Variants in ADGRG4 observed in about 807,000 individuals in gnomAD.
ADGRG4 encodes the protein adhesion G protein-coupled receptor G4.
A neutral mutation model predicts 126.2 loss-of-function variants in ADGRG4; 122 were observed. That is an observed-to-expected ratio of 0.97 (90% CI 0.83 to 1.12). The LOEUF is 1.12. Ranked by LOEUF, ADGRG4 falls within the 50% of genes most tolerant of loss-of-function variation. ADGRG4 has a pLI of 0.00. For missense variants in ADGRG4, 2,481 were observed against 2,251.8 expected, an observed-to-expected ratio of 1.10 and a Z score of -2.06; for synonymous variants, 943 against 838.7, an observed-to-expected ratio of 1.12 and a Z score of -2.15.
intron 23 of ADGRG4, among the ~76,000 whole-genome samples, chrX:136,410,943 A>G (rs2075443002): frequency 8.9e-6 from 1 of 112,413 alleles, no homozygotes; most frequent in African/African-American, 3.2e-5. Context: ...TTTTGTGGAT[A>G]AAGACTTTTT....
chrX:136,380,287 A>C (rs970320833), intron 15 of ADGRG4, among the ~76,000 whole-genome samples: 1 of 110,958 alleles, frequency 9.0e-6, no homozygotes, highest in Non-Finnish European at 1.9e-5. Flanking sequence ...TCAACCTCTG[A>C]TTTATAGTAA....
rs1316380270 is a variant in ADGRG4, at chrX:136,408,686, C to T, written c.8935+2714C>T. 1.3e-4 allele frequency among the ~76,000 whole-genome samples: 14 copies of T among 111,676 alleles called. 1 individual carries two copies. The highest frequency in any genetic ancestry group is 3.8e-5 in the Non-Finnish European group (2 of 53,190). On this transcript the variant is annotated intron_variant, in intron 23 of 25. Transcript: ENST00000394143. ...TATTGTTGCAATGAACATAAGGGTA[C>T]ATGTGTCTTTTTGGCAGAGTGATCT... is the stretch of plus-strand genomic sequence containing the variant.
At position 136,345,774 on chromosome X, in the gene ADGRG4, A is replaced by T. The variant is rs747348018; in HGVS notation, c.2068A>T (p.Thr690Ser). The change falls in exon 6 of 26, where the codon ACT becomes TCT. Residue 690 changes from threonine (T) to serine (S), a missense_variant. Coordinates refer to ENST00000394143, the MANE Select transcript of ADGRG4 (RefSeq NM_153834.4). The part of the protein sequence containing the change: ...ENFTSAFHEN[T>S]TYTEYLSATT... ...TTTTACATCAGCATTTCATGAGAAT[A>T]CTACTTATACAGAATATTTATCCGC... 3 of 1,209,668 alleles carry T rather than the reference A, an allele frequency of 2.5e-6. No homozygotes were observed. Among genetic ancestry groups the T allele is most frequent in the Non-Finnish European group, 3.4e-6 (3 of 893,702 alleles).
chrX:136,399,292 A>T (rs1317095848), intron 20 of ADGRG4, among the ~76,000 whole-genome samples: 2 of 112,646 alleles, frequency 1.8e-5, no homozygotes, highest in African/African-American at 6.4e-5. Flanking sequence ...ATTCACACAA[A>T]ATGAAAACAG....
At chrX:136,400,234 T>A in intron 21 of ADGRG4, 118 bp downstream of exon 21, 1 of 595,817 alleles carries the variant, frequency 1.7e-6, no homozygotes, top group Non-Finnish European at 2.6e-6. Context: ...TTGCTGGTGT[T>A]TGGGCATGCA....
intron 16 of ADGRG4, among the ~76,000 whole-genome samples, chrX:136,391,064 G>A (rs2075317024): frequency 1.8e-5 from 2 of 111,309 alleles, no homozygotes; most frequent in Admixed American, 1.9e-4. Flanking sequence ...GAAACAGGAA[G>A]TAAGTAGAGT....
chrX:136,375,185 C>G (rs945003488), intron 15 of ADGRG4, among the ~76,000 whole-genome samples: 1 of 111,675 alleles, frequency 9.0e-6, no homozygotes, highest in Non-Finnish European at 1.9e-5. Flanking sequence ...GCCTCTAGTT[C>G]CATCCAAGTT....
chrX:136,397,399 A>C (rs907637579), intron 19 of ADGRG4, among the ~76,000 whole-genome samples: 4 of 110,731 alleles, frequency 3.6e-5, no homozygotes, highest in African/African-American at 1.3e-4. Flanking sequence ...CAGATCTTTA[A>C]TAGTAATTAA....
chrX:136,413,668 A>G (rs1256236578), intron 24 of ADGRG4, among the ~76,000 whole-genome samples: 2 of 111,582 alleles, frequency 1.8e-5, no homozygotes, highest in Non-Finnish European at 3.8e-5. Flanking sequence ...ACAACTTCAT[A>G]GAAAAGCTGA....
intron 7 of ADGRG4, among the ~76,000 whole-genome samples, chrX:136,352,152 G>A (rs968269720): frequency 9.0e-6 from 1 of 111,591 alleles, no homozygotes; most frequent in Non-Finnish European, 1.9e-5. Context: ...ATGCATGTGT[G>A]TTCTTTTACA....
At position 136,349,720 on chromosome X, in the gene ADGRG4, C is replaced by T. The variant is rs1388050441; in HGVS notation, c.6014C>T (p.Pro2005Leu). 7 of 1,210,121 alleles carry T rather than the reference C, an allele frequency of 5.8e-6. No homozygotes were observed. Among genetic ancestry groups the T allele is most frequent in the Non-Finnish European group, 7.8e-6 (7 of 894,470 alleles). Residue 2005 changes from proline (P) to leucine (L), a missense_variant, in exon 6 of 26, where the codon CCC becomes CTC. Transcript: ENST00000394143. ...TCAGGATCTGTAATTTCAAAGTCAC[C>T]CATTCTGACATGGCTCTTATCTAGT... Reference protein sequence around the residue: ...ATSGSVISKSPILTWLLSSLP... With the variant: ...ATSGSVISKSLILTWLLSSLP...
intron 5 of ADGRG4, among the ~76,000 whole-genome samples, chrX:136,330,461 T>C (rs2148455669): frequency 9.1e-6 from 1 of 110,368 alleles, no homozygotes; most frequent in African/African-American, 3.3e-5. Context: ...AGTTTACTCA[T>C]TTCCATTGCT....
At chrX:136,373,571 A>G (rs1385004618) in intron 15 of ADGRG4, among the ~76,000 whole-genome samples, 2 of 111,977 alleles carry the variant, frequency 1.8e-5, no homozygotes, top group Non-Finnish European at 3.8e-5. Flanking sequence ...TTACAATTAA[A>G]AAGTAATAAA....
In ADGRG4 at chrX:136,349,215, G is replaced by T; in HGVS notation, c.5509G>T (p.Val1837Phe). Residue 1837 changes from valine to phenylalanine, a missense_variant, in exon 6 of 26, where the codon GTT (valine) becomes TTT (phenylalanine). Coordinates refer to ENST00000394143, the MANE Select transcript of ADGRG4 (RefSeq NM_153834.4). ...AACTCTACCCTCTTTGACATCATTT[G>T]TTTATTCACCTCATAGTACTGAAGC... ...SATLPSLTSF[V>F]YSPHSTEAEI... The T allele has an allele frequency of 8.3e-7, 1 of 1,206,326 alleles. No individual in the cohort carries two copies. Among genetic ancestry groups the T allele is most frequent in the Non-Finnish European group, 1.1e-6 (1 of 891,493 alleles).
At chrX:136,387,707 C>T in intron 15 of ADGRG4, 33 bp from the exon 16 acceptor site, 1 of 1,193,743 alleles carries the variant, frequency 8.4e-7, no homozygotes, top group Non-Finnish European at 1.1e-6. Flanking sequence ...TGAATGAAGA[C>T]TCCAATTTTC....
At chrX:136,308,665 A>G in intron 3 of ADGRG4, 104 bp from the exon 4 acceptor site, 2 of 538,989 alleles carry the variant, frequency 3.7e-6, no homozygotes, top group South Asian at 5.2e-5. Flanking sequence ...GCAATAGGAA[A>G]AAACCCTTAG....
At chrX:136,396,168 A>G (rs2075345750) in intron 19 of ADGRG4, among the ~76,000 whole-genome samples, 1 of 109,762 alleles carries the variant, frequency 9.1e-6, no homozygotes, top group African/African-American at 3.3e-5. Context: ...AAGAAGGATC[A>G]TAAGTATTTG....
intron 16 of ADGRG4, among the ~76,000 whole-genome samples, chrX:136,390,595 G>A (rs370429798): frequency 1.8e-5 from 2 of 111,671 alleles, no homozygotes; most frequent in African/African-American, 6.5e-5. Context: ...AGGGCAAAGA[G>A]AAGGAGAGAA....
chrX:136,350,086 G>T lies in ADGRG4; in HGVS notation c.6380G>T (p.Ser2127Ile), dbSNP rs1372837910. The change falls in exon 6 of 26, where the codon AGC (serine) becomes ATC (isoleucine). Residue 2127 changes from serine to isoleucine, a missense_variant. Transcript: ENST00000394143. ...ACTGTGTCTCATCCTTCATCCTTCA[G>T]CAGAAAGACTATGTCACCTTCTACA... Reference protein sequence around the residue: ...PRTVSHPSSFSRKTMSPSTTD... With the variant: ...PRTVSHPSSFIRKTMSPSTTD... The T allele has an allele frequency of 9.9e-6, 12 of 1,208,271 alleles. No individual in the cohort carries two copies. The highest frequency in any genetic ancestry group is 1.2e-5 in the Non-Finnish European group (11 of 894,076).
Sources: allele counts gnomAD v4.1 joint callset (sites outside exome capture counted in the v4.1 genomes callset), GRCh38; gene constraint gnomAD v4.1.1; transcripts MANE v1.5; gene names NCBI Gene and HGNC (gene_info 2026-07-23, HGNC 2026-07-21).